The following AFAP1L2 variants were observed in gnomAD, a reference collection of about 807,000 sequenced individuals.
The protein encoded by AFAP1L2 is actin filament-associated protein 1-like 2.
A neutral mutation model predicts 99.3 loss-of-function variants in AFAP1L2; 46 were observed. That is an observed-to-expected ratio of 0.46 (90% CI 0.37 to 0.59). AFAP1L2 has a LOEUF of 0.59. AFAP1L2 is among the 20% of genes least tolerant of loss of function. AFAP1L2 has a pLI of 0.00. For synonymous variants in AFAP1L2, 397 were observed against 419.1 expected (o/e 0.95, Z 0.64); for missense variants, 959 against 1,034.9 (o/e 0.93, Z 1.01).
downstream of AFAP1L2, among the ~76,000 whole-genome samples, chr10:114,291,760 T>A (rs1460480143): frequency 6.6e-6 from 1 of 152,164 alleles, no homozygotes; most frequent in African/African-American, 2.4e-5. Flanking sequence ...TCTGGATGCA[T>A]TTGCATTGAG....
intron 1 of AFAP1L2, among the ~76,000 whole-genome samples, chr10:114,401,080 A>G (rs943738598): frequency 6.6e-6 from 1 of 152,240 alleles, no homozygotes; most frequent in Non-Finnish European, 1.5e-5. Context: ...GACTCTTTGC[A>G]GTTCATATCT....
chr10:114,300,693 G>A lies in AFAP1L2; in HGVS notation c.1543-3C>T. On this transcript the variant is annotated splice_region_variant and splice_polypyrimidine_tract_variant and intron_variant, in intron 13 of 18. Coordinates refer to ENST00000304129, the MANE Select transcript of AFAP1L2 (RefSeq NM_001001936.3). Reference sequence around the variant, plus strand: ...GTGGCTTCCTCGGTAGGCTCCACCTGCAGGAGAGAGTGAGTCTGGGGCATT... The same window carrying A: ...GTGGCTTCCTCGGTAGGCTCCACCTACAGGAGAGAGTGAGTCTGGGGCATT... 6.3e-7 allele frequency: 1 copy of A among 1,581,546 alleles called. No individual in the cohort carries two copies. The highest frequency in any genetic ancestry group is 2.2e-5 in the East Asian group (1 of 44,636).
intron 1 of AFAP1L2, among the ~76,000 whole-genome samples, chr10:114,386,351 T>C (rs1264817784): frequency 1.3e-5 from 2 of 152,016 alleles, no homozygotes; most frequent in Admixed American, 1.3e-4. Flanking sequence ...CAGTGAGCTA[T>C]GATGGCACCA....
At position 114,404,426 on chromosome 10, in the gene AFAP1L2, A is replaced by G; in HGVS notation, c.16+14T>C. On this transcript the variant is annotated intron_variant, in intron 1 of 18. Transcript: ENST00000304129. ...GGAGTGGGTGTGCGCCGCGCGAGGAACCCGCGCCCTCACCTTTGTACCGCT... is the reference window on the plus strand; with the variant it reads ...GGAGTGGGTGTGCGCCGCGCGAGGAGCCCGCGCCCTCACCTTTGTACCGCT... The G allele has an allele frequency of 6.5e-7, 1 of 1,542,452 alleles. No homozygotes were observed. Among genetic ancestry groups the G allele is most frequent in the Admixed American group, 2.0e-5 (1 of 50,982 alleles).
Position 114,310,482 on chromosome 10 carries a change from C to T in AFAP1L2, c.793-39G>A, listed in dbSNP as rs748798334. ...GAAGCCGTCAGCAGAGGCTGAGGTC[C>T]TCTGGCCAGCACTCACAGCCAGGCT... On this transcript the variant is annotated intron_variant, in intron 7 of 18. Coordinates refer to ENST00000304129, the MANE Select transcript of AFAP1L2 (RefSeq NM_001001936.3). 5 of 1,586,874 alleles carry T rather than the reference C, an allele frequency of 3.2e-6. No homozygotes were observed. In the Admixed American group the frequency reaches 5.2e-5, roughly 16 times the overall value.
At chr10:114,291,230 G>C, downstream of AFAP1L2, 1 of 1,550,384 alleles carries the variant, frequency 6.5e-7, no homozygotes, top group Non-Finnish European at 8.7e-7. Context: ...TTCTTGAGAC[G>C]CCCCTGAGGC....
At chr10:114,362,529 A>G (rs2136609777) in intron 1 of AFAP1L2, among the ~76,000 whole-genome samples, 2 of 152,302 alleles carry the variant, frequency 1.3e-5, no homozygotes, top group South Asian at 2.1e-4. Context: ...CCCAAAAGCT[A>G]GAAGAGGCAA....
At chr10:114,404,174 G>A (rs1290910630) in intron 1 of AFAP1L2, among the ~76,000 whole-genome samples, 1 of 152,120 alleles carries the variant, frequency 6.6e-6, no homozygotes, top group East Asian at 1.9e-4. Flanking sequence ...TGCAACAGGT[G>A]AGAAGCCCCG....
intron 1 of AFAP1L2, among the ~76,000 whole-genome samples, chr10:114,389,401 A>T (rs372729923): frequency 2.0e-5 from 3 of 152,316 alleles, no homozygotes; most frequent in East Asian, 3.9e-4. Flanking sequence ...GGATACACTG[A>T]TTTTGAGTGA....
intron 1 of AFAP1L2, among the ~76,000 whole-genome samples, chr10:114,359,428 C>G (rs1037248875): frequency 6.6e-6 from 1 of 152,184 alleles, no homozygotes; most frequent in Non-Finnish European, 1.5e-5. Context: ...AATGGAGCAA[C>G]TGGGAAATGA....
intron 10 of AFAP1L2, chr10:114,305,179 G>A: frequency 2.1e-6 from 1 of 483,822 alleles, no homozygotes. Context: ...GGCTGCAGGA[G>A]GGGACGCAGA....
At chr10:114,289,724 C>G in the AFAP1L2 span, 1 of 573,964 alleles carries the variant, frequency 1.7e-6, no homozygotes, top group Non-Finnish European at 3.1e-6. Flanking sequence ...TCCCCCCAAA[C>G]TTGAGAATTT....
At position 114,341,537 on chromosome 10, in the gene AFAP1L2, C is replaced by T. The variant is rs568854453; in HGVS notation, c.17-806G>A. 1.2e-3 allele frequency among the ~76,000 whole-genome samples: 185 copies of T among 150,918 alleles called. 3 individuals are homozygous for T. In the South Asian group the frequency reaches 0.037, roughly 30 times the overall value. On this transcript the variant is annotated intron_variant, in intron 1 of 18. Transcript: ENST00000304129. ...CTGAGGCAGGAGAATCGCTTGAACC[C>T]GGGAGGCGGAGGTTGCAGTGAGCTG...
rs1554902751 is a variant in AFAP1L2, at chr10:114,327,147, T to TTATATTTATATATATATATA, written c.316-3887_316-3886insTATATATATATATAAATATA. Among the ~76,000 whole-genome samples the TTATATTTATATATATATATA allele has an allele frequency of 2.2e-4, 12 of 54,568 alleles. 1 individual carries two copies. The highest frequency in any genetic ancestry group is 1.9e-3 in the South Asian group (3 of 1,596). 35.8% of individuals were successfully genotyped at this position (54,568 alleles called of 152,430 possible). A position where few individuals can be genotyped will look rare whatever the true frequency, so the allele number is the denominator to read the frequency against. On this transcript the variant is annotated intron_variant, in intron 4 of 18. Coordinates refer to ENST00000304129, the MANE Select transcript of AFAP1L2 (RefSeq NM_001001936.3). ...TGAAGACCGTGAATTTTATATATAT[T>TTATATTTATATATATATATA]TATATATATATATATATATATATAT... is the stretch of plus-strand genomic sequence containing the variant.
chr10:114,310,293 T>A (rs1173378329), intron 8 of AFAP1L2, 61 bp downstream of exon 8: 2 of 1,533,640 alleles, frequency 1.3e-6, no homozygotes, highest in Admixed American at 2.2e-5. Flanking sequence ...ATTTTGCACT[T>A]TTAATTTTTA....
Position 114,299,140 on chromosome 10 carries a change from G to A in AFAP1L2, c.2113+120C>T, listed in dbSNP as rs558769356. 1.6e-5 allele frequency: 20 copies of A among 1,239,204 alleles called. No homozygotes were observed. The African/African-American group carries it at 1.7e-4, about 10-fold the overall frequency. 76.8% of individuals were successfully genotyped at this position (1,239,204 alleles called of 1,614,324 possible). ...AAGGGAGCACCCACCCAGGCCAAGG[G>A]TTGAAGGGGCCAGGGCCCACTGATT... On this transcript the variant is annotated intron_variant, in intron 16 of 18. Coordinates refer to ENST00000304129, the MANE Select transcript of AFAP1L2 (RefSeq NM_001001936.3).
rs1042610925 is a variant in AFAP1L2, at chr10:114,295,993, G to A, written c.*49C>T. ...GTTTTTGCTTTAACAAAGCAGGATT[G>A]TCACCAAGGTCCACATTGACATGAG... On this transcript the variant is annotated 3_prime_UTR_variant, in exon 19 of 19. Coordinates refer to ENST00000304129, the MANE Select transcript of AFAP1L2 (RefSeq NM_001001936.3). 24 of 1,613,768 alleles carry A rather than the reference G, an allele frequency of 1.5e-5. No homozygotes were observed. The highest frequency in any genetic ancestry group is 2.0e-5 in the Non-Finnish European group (24 of 1,179,870).
chr10:114,364,645 T>A (rs1054644339), intron 1 of AFAP1L2, among the ~76,000 whole-genome samples: 1 of 152,190 alleles, frequency 6.6e-6, no homozygotes, highest in Non-Finnish European at 1.5e-5. Context: ...TAAGACCCTT[T>A]TCCAATCACA....
intron 16 of AFAP1L2, 128 bp downstream of exon 16, chr10:114,299,132 G>T: frequency 9.0e-7 from 1 of 1,116,576 alleles, no homozygotes; most frequent in Non-Finnish European, 1.3e-6. Flanking sequence ...CACCCACCCA[G>T]GCCAAGGGTT....
Sources: gnomAD v4.1 joint callset for allele counts (sites outside exome capture counted in the v4.1 genomes callset) on GRCh38, gnomAD v4.1.1 for gene constraint, MANE v1.5 for transcripts, NCBI Gene and HGNC (gene_info 2026-07-23, HGNC 2026-07-21) for gene names.